The following NRG3 variants were observed in gnomAD, a reference collection of about 807,000 sequenced individuals.
The protein encoded by NRG3 is neuregulin 3.
NRG3 carries 31 observed loss-of-function variants against 66.9 expected under a neutral mutation model. The ratio of observed to expected loss-of-function variants is 0.46; its 90% CI spans 0.35 to 0.63. The LOEUF is 0.63. Ranked by LOEUF, NRG3 falls within the 20% of genes least tolerant of loss-of-function variation. The pLI is 0.00. For missense variants in NRG3, 910 were observed against 878.9 expected (o/e 1.04, Z -0.45); for synonymous variants, 393 against 359.4 (o/e 1.09, Z -1.06).
chr10:82,663,130 G>T (rs1361978493), intron 2 of NRG3, among the ~76,000 whole-genome samples: 1 of 152,202 alleles, frequency 6.6e-6, no homozygotes, highest in Non-Finnish European at 1.5e-5. Context: ...GAGCAAAAAG[G>T]TATAATTATT....
At chr10:82,981,754 CA>C (rs1852928228) in intron 8 of NRG3, among the ~76,000 whole-genome samples, 1 of 152,088 alleles carries the variant, frequency 6.6e-6, no homozygotes, top group Non-Finnish European at 1.5e-5. Context: ...GATCCCTGGT[CA>C]ATGACAGCCA....
intron 2 of NRG3, among the ~76,000 whole-genome samples, chr10:82,430,825 C>T (rs1323283549): frequency 6.6e-6 from 1 of 152,204 alleles, no homozygotes; most frequent in East Asian, 1.9e-4. Flanking sequence ...ATGTTTCCGA[C>T]CATCTGCCAA....
chr10:82,779,735 T>A (rs1374118997), intron 3 of NRG3, among the ~76,000 whole-genome samples: 2 of 152,110 alleles, frequency 1.3e-5, no homozygotes, highest in African/African-American at 4.8e-5. Flanking sequence ...ATTCTTTTTT[T>A]TTATTATACT....
intron 1 of NRG3, among the ~76,000 whole-genome samples, chr10:82,166,415 A>G (rs982516991): frequency 1.3e-5 from 2 of 152,142 alleles, no homozygotes; most frequent in African/African-American, 4.8e-5. Context: ...AGGATTTTTC[A>G]TATATCTCTT....
chr10:82,255,600 A>AAAAC (rs773640069), intron 1 of NRG3, among the ~76,000 whole-genome samples: 3 of 152,094 alleles, frequency 2.0e-5, no homozygotes, highest in African/African-American at 4.8e-5. Flanking sequence ...TAAAAAACAA[A>AAAAC]AAACAAACAA....
intron 2 of NRG3, among the ~76,000 whole-genome samples, chr10:82,501,715 T>A (rs1317141967): frequency 6.6e-6 from 1 of 152,226 alleles, no homozygotes; most frequent in African/African-American, 2.4e-5. Flanking sequence ...AGGTTGACCA[T>A]GCATCAAGTG....
At chr10:82,019,037 G>C (rs1360012520) in intron 1 of NRG3, among the ~76,000 whole-genome samples, 1 of 152,172 alleles carries the variant, frequency 6.6e-6, no homozygotes, top group Non-Finnish European at 1.5e-5. Context: ...AATGCTTCCA[G>C]TTTTTGCCCA....
intron 2 of NRG3, among the ~76,000 whole-genome samples, chr10:82,391,348 G>A (rs2086352786): frequency 6.6e-6 from 1 of 152,128 alleles, no homozygotes; most frequent in Admixed American, 6.6e-5. Context: ...AGAGGTATAA[G>A]GGGTTAAGGG....
chr10:82,732,978 A>T (rs1205746041), intron 2 of NRG3, among the ~76,000 whole-genome samples: 1 of 152,164 alleles, frequency 6.6e-6, no homozygotes, highest in African/African-American at 2.4e-5. Flanking sequence ...ATTACTGACC[A>T]TGTTTCTATT....
At chr10:82,897,906 G>A (rs976106230) in intron 4 of NRG3, among the ~76,000 whole-genome samples, 2 of 152,282 alleles carry the variant, frequency 1.3e-5, no homozygotes, top group Non-Finnish European at 1.5e-5. Flanking sequence ...GTAGGTTAAA[G>A]ATACTGTAAT....
Position 82,732,575 on chromosome 10 carries a change from T to A in NRG3, c.954-6002T>A, listed in dbSNP as rs562296778. Among the ~76,000 whole-genome samples, 11 of 152,322 alleles carry A rather than the reference T, an allele frequency of 7.2e-5. No homozygotes were observed. In the South Asian group the frequency reaches 1.2e-3, roughly 17 times the overall value. ...GTAATATACTTAACCTTTCTCAATC[T>A]CTGTTTCTTCAGTTGAAAAGCTGGG... On this transcript the variant is annotated intron_variant, in intron 2 of 8. Transcript: ENST00000372141.
At chr10:82,687,035 C>T (rs1415100716) in intron 2 of NRG3, among the ~76,000 whole-genome samples, 1 of 152,196 alleles carries the variant, frequency 6.6e-6, no homozygotes, top group African/African-American at 2.4e-5. Context: ...ATCAACTCAG[C>T]ATTCCTGCTG....
chr10:82,899,952 A>C (rs1395360853), intron 4 of NRG3, among the ~76,000 whole-genome samples: 1 of 152,194 alleles, frequency 6.6e-6, no homozygotes, highest in African/African-American at 2.4e-5. Context: ...GAGACTTCGT[A>C]ATTTATAAAG....
intron 3 of NRG3, among the ~76,000 whole-genome samples, chr10:82,807,892 G>T (rs560494147): frequency 6.6e-6 from 1 of 151,990 alleles, no homozygotes; most frequent in South Asian, 2.1e-4. Flanking sequence ...CTTTGAAACA[G>T]TCCAGGGACT....
At chr10:82,613,202 C>A (rs1176966874) in intron 2 of NRG3, among the ~76,000 whole-genome samples, 1 of 152,036 alleles carries the variant, frequency 6.6e-6, no homozygotes, top group Non-Finnish European at 1.5e-5. Context: ...GTGAAATATT[C>A]TAAAGGATTA....
intron 1 of NRG3, among the ~76,000 whole-genome samples, chr10:82,153,959 A>G (rs1338719319): frequency 2.0e-5 from 3 of 151,780 alleles, no homozygotes; most frequent in African/African-American, 4.8e-5. Flanking sequence ...TATATGATGG[A>G]TATTAGCCCC....
intron 1 of NRG3, among the ~76,000 whole-genome samples, chr10:81,959,672 CA>C (rs1278263479): frequency 6.6e-6 from 1 of 151,796 alleles, no homozygotes; most frequent in Non-Finnish European, 1.5e-5. Flanking sequence ...CTTTTAACTT[CA>C]TTTTTTTTTT....
At chr10:82,895,008 C>T (rs1843513415) in intron 4 of NRG3, among the ~76,000 whole-genome samples, 1 of 152,104 alleles carries the variant, frequency 6.6e-6, no homozygotes, top group South Asian at 2.1e-4. Flanking sequence ...GTTTTCTGTT[C>T]TTGTGTTACT....
At chr10:82,517,671 A>ATGTGTGTGTGTGTG (rs140575448) in intron 2 of NRG3, among the ~76,000 whole-genome samples, 1 of 132,932 alleles carries the variant, frequency 7.5e-6, no homozygotes, top group African/African-American at 2.7e-5. Flanking sequence ...GTGTGTGTGC[A>ATGTGTGTGTGTGTG]TGTGTGTGTG....
Sources: allele counts gnomAD v4.1 joint callset (sites outside exome capture counted in the v4.1 genomes callset), GRCh38; gene constraint gnomAD v4.1.1; transcripts MANE v1.5; gene names NCBI Gene and HGNC (gene_info 2026-07-23, HGNC 2026-07-21).